Variants in HHAT observed in about 807,000 individuals in gnomAD.
The protein encoded by HHAT is protein-cysteine N-palmitoyltransferase HHAT.
HHAT carries 47 observed loss-of-function variants against 70.8 expected under a neutral mutation model. The observed-to-expected ratio is 0.66, with a 90% CI of 0.53 to 0.85. The LOEUF is 0.85. HHAT is among the 40% of genes least tolerant of loss of function. The pLI is 0.00. For synonymous variants in HHAT, 228 were observed against 247.6 expected (o/e 0.92, Z 0.74); for missense variants, 609 against 604.8 (o/e 1.01, Z -0.07).
At chr1:210,551,852 TC>T (rs1205164492) in intron 9 of HHAT, among the ~76,000 whole-genome samples, 1 of 152,184 alleles carries the variant, frequency 6.6e-6, no homozygotes, top group African/African-American at 2.4e-5. Flanking sequence ...GATGTTGAAG[TC>T]TTGGAAAGTG....
At chr1:210,492,284 T>C (rs2094564493) in intron 8 of HHAT, among the ~76,000 whole-genome samples, 1 of 152,210 alleles carries the variant, frequency 6.6e-6, no homozygotes, top group Non-Finnish European at 1.5e-5. Context: ...TCCTACCATT[T>C]ATGATACAGC....
At chr1:210,575,821 ACTTT>A (rs1477679753) in intron 9 of HHAT, among the ~76,000 whole-genome samples, 1 of 152,220 alleles carries the variant, frequency 6.6e-6, no homozygotes, top group Non-Finnish European at 1.5e-5. Context: ...CTGTATAAGG[ACTTT>A]CTTTAGACAG....
At chr1:210,652,664 C>A (rs566018707) in intron 11 of HHAT, among the ~76,000 whole-genome samples, 2 of 152,148 alleles carry the variant, frequency 1.3e-5, no homozygotes, top group East Asian at 1.9e-4. Flanking sequence ...CTGCCTCACT[C>A]GTGTAGATCT....
intron 11 of HHAT, among the ~76,000 whole-genome samples, chr1:210,655,085 G>A (rs1280160907): frequency 1.3e-5 from 2 of 152,180 alleles, no homozygotes; most frequent in African/African-American, 2.4e-5. Flanking sequence ...TAAATATTGT[G>A]CTCTGAGGTC....
intron 10 of HHAT, among the ~76,000 whole-genome samples, chr1:210,622,702 G>A (rs959466116): frequency 2.0e-5 from 3 of 152,192 alleles, no homozygotes; most frequent in Admixed American, 2.0e-4. Context: ...GACTCCAGCA[G>A]TAGGCTCGGC....
intron 3 of HHAT, among the ~76,000 whole-genome samples, chr1:210,373,629 C>T (rs1007414095): frequency 6.6e-6 from 1 of 152,146 alleles, no homozygotes; most frequent in Non-Finnish European, 1.5e-5. Flanking sequence ...GAAAGCAAAG[C>T]TCAGGTCAAA....
chr1:210,488,073 T>C (rs1353326283), intron 8 of HHAT, among the ~76,000 whole-genome samples: 1 of 152,220 alleles, frequency 6.6e-6, no homozygotes, highest in Non-Finnish European at 1.5e-5. Flanking sequence ...TCTGTTAATC[T>C]GTCTTATGTC....
chr1:210,527,018 A>C (rs2095258382), intron 9 of HHAT, among the ~76,000 whole-genome samples: 1 of 152,036 alleles, frequency 6.6e-6, no homozygotes, highest in South Asian at 2.1e-4. Context: ...GAATTTCCTG[A>C]GTGATCAGAG....
At chr1:210,490,293 A>T (rs2094532051) in intron 8 of HHAT, among the ~76,000 whole-genome samples, 1 of 152,226 alleles carries the variant, frequency 6.6e-6, no homozygotes, top group Non-Finnish European at 1.5e-5. Flanking sequence ...CCTTTAACAC[A>T]TTCTAAAGAG....
At chr1:210,348,395 C>T (rs553933534) in intron 1 of HHAT, among the ~76,000 whole-genome samples, 2 of 152,162 alleles carry the variant, frequency 1.3e-5, no homozygotes, top group African/African-American at 2.4e-5. Context: ...GCCACCATGC[C>T]TGGCCTATAG....
intron 9 of HHAT, among the ~76,000 whole-genome samples, chr1:210,514,419 A>G (rs1183731472): frequency 6.6e-6 from 1 of 152,190 alleles, no homozygotes; most frequent in Non-Finnish European, 1.5e-5. Context: ...TGAACATTCC[A>G]TATTTGAACT....
chr1:210,658,103 G>A (rs146029940), intron 11 of HHAT, among the ~76,000 whole-genome samples: 1,578 of 152,240 alleles, frequency 0.01, 29 homozygotes, highest in African/African-American at 0.036. Context: ...TTCTAGGGAC[G>A]TAGGAAGAAA....
intron 9 of HHAT, among the ~76,000 whole-genome samples, chr1:210,535,230 G>T (rs2095358381): frequency 6.6e-6 from 1 of 152,114 alleles, no homozygotes; most frequent in African/African-American, 2.4e-5. Context: ...ATGTGAACAT[G>T]CCCATATCAG....
intron 7 of HHAT, 108 bp from the exon 8 acceptor site, chr1:210,464,380 AGTTGAAGGGAGGAAGGG>A: frequency 2.3e-6 from 2 of 870,436 alleles, no homozygotes; most frequent in Non-Finnish European, 3.7e-6. Context: ...GAAATGTGCG[AGTTGAAGGGAGGAAGGG>A]GTGTGGGGAG....
chr1:210,353,736 T>C (rs1320528025), intron 2 of HHAT, among the ~76,000 whole-genome samples: 1 of 152,134 alleles, frequency 6.6e-6, no homozygotes, highest in East Asian at 1.9e-4. Flanking sequence ...TTTTCTTTCT[T>C]TGATCAACGG....
At chr1:210,338,943 G>T (rs1275338597) in intron 1 of HHAT, among the ~76,000 whole-genome samples, 1 of 152,170 alleles carries the variant, frequency 6.6e-6, no homozygotes, top group African/African-American at 2.4e-5. Context: ...GCTGAGGCAG[G>T]AGGATCACTT....
intron 9 of HHAT, among the ~76,000 whole-genome samples, chr1:210,548,261 C>G (rs940221277): frequency 1.3e-5 from 2 of 152,232 alleles, no homozygotes; most frequent in Admixed American, 1.3e-4. Flanking sequence ...ACTGTCTGGT[C>G]TGACCTTGGC....
intron 3 of HHAT, among the ~76,000 whole-genome samples, chr1:210,364,108 T>G (rs2088648450): frequency 1.3e-5 from 2 of 152,258 alleles, no homozygotes; most frequent in South Asian, 4.1e-4. Flanking sequence ...AAGAGCATCC[T>G]GCCCTGCATG....
At chr1:210,576,213 G>A (rs1023063554) in intron 9 of HHAT, among the ~76,000 whole-genome samples, 2 of 152,126 alleles carry the variant, frequency 1.3e-5, no homozygotes, top group African/African-American at 4.8e-5. Context: ...TGTTCTTGGT[G>A]TCTTCAAATG....
Sources: gnomAD v4.1 joint callset for allele counts (sites outside exome capture counted in the v4.1 genomes callset) on GRCh38, gnomAD v4.1.1 for gene constraint, MANE v1.5 for transcripts, NCBI Gene and HGNC (gene_info 2026-07-23, HGNC 2026-07-21) for gene names.